Variants in MVK observed in about 807,000 individuals in gnomAD.
MVK encodes the protein mevalonate kinase, also known as LH receptor mRNA-binding protein.
A neutral mutation model predicts 43.2 loss-of-function variants in MVK; 34 were observed. The ratio of observed to expected loss-of-function variants is 0.79; its 90% CI spans 0.60 to 1.05. MVK has a LOEUF of 1.05. Among genes scored for constraint, MVK ranks in the 50% least tolerant of loss-of-function variants. The pLI is 0.00. For missense variants in MVK, 395 were observed against 504.0 expected (o/e 0.78, Z 2.07); for synonymous variants, 190 against 219.8 (o/e 0.86, Z 1.20).
chr12:109,579,692 T>C, intron 3 of MVK, 110 bp from the exon 4 acceptor site: 1 of 1,437,388 alleles, frequency 7.0e-7, no homozygotes, highest in Admixed American at 1.8e-5. Context: ...TAAATTCGTG[T>C]CCATCCATGT....
At chr12:109,586,709 T>C in intron 6 of MVK, 45 bp from the exon 7 acceptor site, 1 of 1,607,516 alleles carries the variant, frequency 6.2e-7, no homozygotes, top group Non-Finnish European at 8.5e-7. Flanking sequence ...AGCACAGATA[T>C]GTTAGCTTTT....
chr12:109,594,895 G>A, intron 9 of MVK, 133 bp from the exon 10 acceptor site: 2 of 1,046,146 alleles, frequency 1.9e-6, no homozygotes, highest in East Asian at 5.0e-5. Flanking sequence ...GAGAGGGCCA[G>A]GGTGCCAGGT....
intron 7 of MVK, chr12:109,590,520 T>C (rs1347357031): frequency 3.6e-6 from 2 of 552,576 alleles, no homozygotes; most frequent in African/African-American, 3.8e-5. Context: ...TAGCATGTTG[T>C]AGGTCCCAGT....
intron 9 of MVK, among the ~76,000 whole-genome samples, chr12:109,592,797 G>A (rs999846365): frequency 3.3e-5 from 5 of 152,264 alleles, no homozygotes; most frequent in East Asian, 3.9e-4. Flanking sequence ...CCAGGGCAGC[G>A]CCTCCATCGA....
At chr12:109,578,949 G>T (rs1238557837) in intron 3 of MVK, among the ~76,000 whole-genome samples, 1 of 152,124 alleles carries the variant, frequency 6.6e-6, no homozygotes, top group Non-Finnish European at 1.5e-5. Flanking sequence ...CCCAGGCACC[G>T]CCTCGCATTT....
chr12:109,589,059 G>C (rs1050285245), intron 7 of MVK: 1 of 152,570 alleles, frequency 6.6e-6, no homozygotes, highest in Non-Finnish European at 1.5e-5. Context: ...CCTGCCGTGT[G>C]ACACAGTAGC....
chr12:109,584,953 T>C (rs1885374065), intron 5 of MVK, among the ~76,000 whole-genome samples: 1 of 152,070 alleles, frequency 6.6e-6, no homozygotes, highest in Non-Finnish European at 1.5e-5. Flanking sequence ...TTCTCAGAGG[T>C]CAGAAAACCA....
intron 5 of MVK, among the ~76,000 whole-genome samples, chr12:109,583,801 TG>T (rs1885325602): frequency 6.6e-6 from 1 of 152,244 alleles, no homozygotes; most frequent in African/African-American, 2.4e-5. Context: ...TGCAGTGTCA[TG>T]GATTTGTTTG....
At chr12:109,596,383 G>T in intron 10 of MVK, 43 bp from the exon 11 acceptor site, 1 of 1,600,406 alleles carries the variant, frequency 6.2e-7, no homozygotes, top group Non-Finnish European at 8.5e-7. Context: ...TTCTCCCACG[G>T]AGCGGAGAGT....
intron 7 of MVK, chr12:109,587,022 G>C: frequency 3.5e-6 from 2 of 577,180 alleles, no homozygotes; most frequent in South Asian, 3.9e-5. Context: ...ATATCAGAAA[G>C]GGAAAGTCAT....
At position 109,595,630 on chromosome 12, in the gene MVK, C is replaced by G. The variant is rs1885887142; in HGVS notation, c.1039+449C>G. 6.6e-6 allele frequency among the ~76,000 whole-genome samples: 1 copy of G among 152,162 alleles called. No individual in the cohort carries two copies. Among genetic ancestry groups the G allele is most frequent in the African/African-American group, 2.4e-5 (1 of 41,438 alleles). ...GAGGAAGACCGAGTAATGGGCTTGGCTTAGGAAGCTCCCTGGTGCCTGGGG... is the reference window on the plus strand; with the variant it reads ...GAGGAAGACCGAGTAATGGGCTTGGGTTAGGAAGCTCCCTGGTGCCTGGGG... On this transcript the variant is annotated intron_variant, in intron 10 of 10. Transcript: ENST00000228510. The surrounding 1 kb of genome is among the most constrained non-coding windows in gnomAD (Gnocchi z 5.9).
At chr12:109,591,437 T>G (rs1039365407) in intron 9 of MVK, 80 bp downstream of exon 9, 7 of 1,375,444 alleles carry the variant, frequency 5.1e-6, no homozygotes, top group Non-Finnish European at 6.2e-6. Context: ...CTGGCTGTGC[T>G]CAGAATCCCC....
At chr12:109,596,370 A>G (rs1885910716) in intron 10 of MVK, 56 bp from the exon 11 acceptor site, 1 of 1,581,726 alleles carries the variant, frequency 6.3e-7, no homozygotes, top group Non-Finnish European at 8.6e-7. Flanking sequence ...GAATATGATG[A>G]GCTTCTCCCA....
chr12:109,592,576 G>A (rs2136248597), intron 9 of MVK, among the ~76,000 whole-genome samples: 1 of 152,346 alleles, frequency 6.6e-6, no homozygotes, highest in South Asian at 2.1e-4. Context: ...ACTAAAGCAA[G>A]CCTTTTACAA....
intron 3 of MVK, 63 bp from the exon 4 acceptor site, chr12:109,579,736 CTGT>C (rs1312307418): frequency 6.3e-7 from 1 of 1,596,048 alleles, no homozygotes; most frequent in Non-Finnish European, 8.6e-7. Context: ...TTTCTGTGTT[CTGT>C]TGTTTATAAA....
chr12:109,576,142 C>T lies in MVK; in HGVS notation c.223C>T (p.Leu75=), dbSNP rs747458961. The T allele has an allele frequency of 6.2e-7, 1 of 1,614,120 alleles. No individual in the cohort carries two copies. The highest frequency in any genetic ancestry group is 2.2e-5 in the East Asian group (1 of 44,876). Residue 75 remains leucine, a synonymous_variant, in exon 3 of 11, where the codon CTG becomes TTG. Coordinates refer to ENST00000228510, the MANE Select transcript of MVK (RefSeq NM_000431.4). The part of the protein sequence containing the change: ...ARLQSLDTSF[L]EQGDVTTPTS... ...GCTTCAGTCACTGGACACAAGCTTT[C>T]TGGGTGAGTGCAAGGAGGAGAAACC...
intron 1 of MVK, among the ~76,000 whole-genome samples, chr12:109,574,539 A>C (rs1409013302): frequency 6.6e-6 from 1 of 152,296 alleles, no homozygotes; most frequent in African/African-American, 2.4e-5. Flanking sequence ...TTTTCTCTCC[A>C]TATAACGTGT....
upstream of MVK, chr12:109,573,660 G>A (rs66486014): frequency 8.5e-3 from 6,438 of 757,782 alleles, 42 homozygotes; most frequent in Non-Finnish European, 0.011. Flanking sequence ...AAGGAGCGGG[G>A]CGGGAAAACC....
At chr12:109,573,437 C>A, upstream of MVK, 1 of 1,607,124 alleles carries the variant, frequency 6.2e-7, no homozygotes, top group East Asian at 2.2e-5. Context: ...CAGGCCAAGA[C>A]GGCTCCCCAG....
Sources: gnomAD v4.1 joint callset for allele counts (sites outside exome capture counted in the v4.1 genomes callset) on GRCh38, gnomAD v4.1.1 for gene constraint, Gnocchi (gnomAD v3.1) non-coding constraint, MANE v1.5 for transcripts, NCBI Gene and HGNC (gene_info 2026-07-23, HGNC 2026-07-21) for gene names.